Variants in GALNT17 observed in about 807,000 individuals in gnomAD.
GALNT17 encodes UDP-GalNAc:polypeptide N-acetylgalactosaminyltransferase-like 3.
Under a neutral mutation model 63.7 loss-of-function variants are expected in GALNT17, and 29 were observed. The ratio of observed to expected loss-of-function variants is 0.46; its 90% CI spans 0.34 to 0.62. The LOEUF is 0.62. Among genes scored for constraint, GALNT17 ranks in the 20% least tolerant of loss-of-function variants. The pLI, the probability that GALNT17 is intolerant of heterozygous loss-of-function variation, is 0.01. For missense variants in GALNT17, 603 were observed against 799.6 expected (o/e 0.75, Z 2.97); for synonymous variants, 305 against 318.3 (o/e 0.96, Z 0.45).
intron 2 of GALNT17, among the ~76,000 whole-genome samples, chr7:71,369,072 G>T (rs1484603384): frequency 3.3e-5 from 5 of 152,164 alleles, no homozygotes; most frequent in Non-Finnish European, 7.4e-5. Context: ...CCTGGGAGGG[G>T]AATCAGTATT....
chr7:71,178,854 C>T (rs1788685450), intron 1 of GALNT17, among the ~76,000 whole-genome samples: 1 of 152,078 alleles, frequency 6.6e-6, no homozygotes, highest in Non-Finnish European at 1.5e-5. Context: ...TCTGGATCAT[C>T]CTTGGGTTGA....
At chr7:71,311,962 G>A (rs1791421008) in intron 1 of GALNT17, among the ~76,000 whole-genome samples, 1 of 152,156 alleles carries the variant, frequency 6.6e-6, no homozygotes, top group African/African-American at 2.4e-5. Flanking sequence ...CAGGGAAGAG[G>A]CACTGAAAGC....
intron 9 of GALNT17, among the ~76,000 whole-genome samples, chr7:71,694,112 C>A (rs1418487957): frequency 6.6e-6 from 1 of 152,038 alleles, no homozygotes; most frequent in Non-Finnish European, 1.5e-5. Flanking sequence ...TGGTGGCAGA[C>A]AAGAGAAGAG....
chr7:71,237,109 G>A (rs1272183085), intron 1 of GALNT17, among the ~76,000 whole-genome samples: 1 of 152,150 alleles, frequency 6.6e-6, no homozygotes, highest in Admixed American at 6.6e-5. Context: ...CAAAAACCAC[G>A]GGAGTGGAAC....
chr7:71,228,103 C>T (rs1047991229), intron 1 of GALNT17, among the ~76,000 whole-genome samples: 6 of 152,114 alleles, frequency 3.9e-5, no homozygotes, highest in Admixed American at 1.3e-4. Flanking sequence ...GAGGGACTTG[C>T]TTGGTGTGTG....
intron 7 of GALNT17, among the ~76,000 whole-genome samples, chr7:71,668,255 G>T (rs988994266): frequency 6.6e-6 from 1 of 151,640 alleles, no homozygotes; most frequent in Non-Finnish European, 1.5e-5. Flanking sequence ...ATTAGCTCAC[G>T]CCTGTAATCC....
chr7:71,203,122 T>C (rs528888471), intron 1 of GALNT17, among the ~76,000 whole-genome samples: 96 of 152,320 alleles, frequency 6.3e-4, no homozygotes, highest in African/African-American at 2.1e-3. Flanking sequence ...AGTGCTGATA[T>C]CTTTTCAACA....
At chr7:71,324,542 C>G (rs1343258703) in intron 1 of GALNT17, among the ~76,000 whole-genome samples, 1 of 152,116 alleles carries the variant, frequency 6.6e-6, no homozygotes, top group Non-Finnish European at 1.5e-5. Context: ...CCTGTAATCC[C>G]AGCTACTTGG....
chr7:71,182,515 CAGTT>C (rs1334757181), intron 1 of GALNT17, among the ~76,000 whole-genome samples: 34 of 152,276 alleles, frequency 2.2e-4, no homozygotes, highest in East Asian at 1.4e-3. Context: ...CTGGAGCTGA[CAGTT>C]AGAGAGGTGT....
At chr7:71,634,482 G>T (rs1306023773) in intron 6 of GALNT17, among the ~76,000 whole-genome samples, 3 of 152,168 alleles carry the variant, frequency 2.0e-5, no homozygotes, top group Admixed American at 6.5e-5. Flanking sequence ...AGCCAGGCAC[G>T]GTGGCTCACG....
chr7:71,529,093 C>G lies in GALNT17; in HGVS notation c.963-42192C>G, dbSNP rs555374431. The stretch of plus-strand genomic sequence containing the variant: ...GAGGTTGCAGTGAGCTGAGATCACA[C>G]CACTGCACTCCAGCCTGGGTGACAG... On this transcript the variant is annotated intron_variant, in intron 5 of 10. Transcript: ENST00000333538. Among the ~76,000 whole-genome samples, 172 of 152,156 alleles carry G rather than the reference C, an allele frequency of 1.1e-3. 1 individual carries two copies. Among genetic ancestry groups the G allele is most frequent in the African/African-American group, 3.9e-3 (162 of 41,494 alleles).
chr7:71,653,309 C>T (rs909019594), intron 6 of GALNT17, among the ~76,000 whole-genome samples: 14 of 151,904 alleles, frequency 9.2e-5, no homozygotes, highest in Non-Finnish European at 8.8e-5. Context: ...TCAACGCACC[C>T]GGCCCTAGGT....
intron 5 of GALNT17, among the ~76,000 whole-genome samples, chr7:71,424,826 T>G (rs1195930030): frequency 2.0e-5 from 3 of 152,200 alleles, no homozygotes; most frequent in Non-Finnish European, 4.4e-5. Flanking sequence ...TTTGCTCCAG[T>G]AAAAGATGGG....
chr7:71,306,290 T>C (rs1033672943), intron 1 of GALNT17, among the ~76,000 whole-genome samples: 2 of 151,966 alleles, frequency 1.3e-5, no homozygotes, highest in Admixed American at 1.3e-4. Context: ...TAACAATTTA[T>C]ATGTGCATAT....
chr7:71,431,897 G>C (rs1194154401), intron 5 of GALNT17, among the ~76,000 whole-genome samples: 1 of 148,058 alleles, frequency 6.8e-6, no homozygotes. Flanking sequence ...TCAACAGGCT[G>C]GGCATGGTGG....
intron 2 of GALNT17, among the ~76,000 whole-genome samples, chr7:71,357,463 G>C (rs1400264340): frequency 6.6e-6 from 1 of 152,064 alleles, no homozygotes; most frequent in Admixed American, 6.5e-5. Flanking sequence ...ACTGGCCCCT[G>C]GTCTCAAAAA....
At chr7:71,177,565 A>G (rs1788662210) in intron 1 of GALNT17, among the ~76,000 whole-genome samples, 1 of 152,120 alleles carries the variant, frequency 6.6e-6, no homozygotes, top group South Asian at 2.1e-4. Context: ...GAAGGGGGAA[A>G]GTATCAGGGC....
At chr7:71,415,483 C>G (rs1793507665) in intron 3 of GALNT17, among the ~76,000 whole-genome samples, 1 of 152,100 alleles carries the variant, frequency 6.6e-6, no homozygotes, top group Non-Finnish European at 1.5e-5. Flanking sequence ...TACATTGCAT[C>G]CCAAGGCACG....
In GALNT17 at chr7:71,227,355, C is replaced by T. The variant is rs573935047; in HGVS notation, c.238+94315C>T. ...CTCCAGCCTGGATGAGAGAGCAAGA[C>T]CCTGTCTCTAAAAAATGGAAAAAAA... On this transcript the variant is annotated intron_variant, in intron 1 of 10. Coordinates refer to ENST00000333538, the MANE Select transcript of GALNT17 (RefSeq NM_022479.3). 2.7e-5 allele frequency among the ~76,000 whole-genome samples: 4 copies of T among 150,614 alleles called. 1 individual carries two copies. The highest frequency in any genetic ancestry group is 2.6e-4 in the Admixed American group (4 of 15,166).
Sources: allele counts gnomAD v4.1 joint callset (sites outside exome capture counted in the v4.1 genomes callset), GRCh38; gene constraint gnomAD v4.1.1; transcripts MANE v1.5; gene names NCBI Gene and HGNC (gene_info 2026-07-23, HGNC 2026-07-21).